The following PHLPP1 variants were observed in gnomAD, a reference collection of about 807,000 sequenced individuals.
The protein encoded by PHLPP1 is PH domain leucine-rich repeat-containing protein phosphatase 1.
Under a neutral mutation model 117.2 loss-of-function variants are expected in PHLPP1, and 42 were observed. That is an observed-to-expected ratio of 0.36 (90% CI 0.28 to 0.46). PHLPP1 has a LOEUF of 0.46. PHLPP1 is among the 20% of genes least tolerant of loss of function. The probability of loss-of-function intolerance (pLI) is 1.00; values close to 1 mark genes in which losing one functional copy is unlikely to be tolerated. For synonymous variants in PHLPP1, 1,042 were observed against 970.7 expected (o/e 1.07, Z -1.37); for missense variants, 2,084 against 2,241.9 (o/e 0.93, Z 1.42).
intron 1 of PHLPP1, chr18:62,826,378 G>T: frequency 3.6e-6 from 1 of 277,934 alleles, no homozygotes. Context: ...ATTTGTGGTT[G>T]CGGAAGTGCA....
intron 4 of PHLPP1, among the ~76,000 whole-genome samples, chr18:62,862,494 TTATTGGC>T (rs1486190805): frequency 1.3e-5 from 2 of 152,216 alleles, no homozygotes; most frequent in African/African-American, 4.8e-5. Flanking sequence ...TTGAAGGCCA[TTATTGGC>T]AGCACATGCC....
At chr18:62,970,628 G>A (rs1330940491) in intron 14 of PHLPP1, among the ~76,000 whole-genome samples, 3 of 152,150 alleles carry the variant, frequency 2.0e-5, no homozygotes, top group Non-Finnish European at 4.4e-5. Flanking sequence ...AGCTGGGCGT[G>A]GTGGCGGGTG....
intron 1 of PHLPP1, among the ~76,000 whole-genome samples, chr18:62,743,798 T>A (rs1911600794): frequency 6.6e-6 from 1 of 152,144 alleles, no homozygotes; most frequent in Non-Finnish European, 1.5e-5. Context: ...TCTCTTTCCT[T>A]GCAATTTACT....
intron 4 of PHLPP1, among the ~76,000 whole-genome samples, chr18:62,875,106 C>T (rs1277812577): frequency 2.0e-5 from 3 of 152,100 alleles, no homozygotes; most frequent in Non-Finnish European, 4.4e-5. Context: ...AGGTGCGTGC[C>T]ACCACTCCTG....
At chr18:62,947,528 G>A (rs1910333558) in intron 12 of PHLPP1, among the ~76,000 whole-genome samples, 1 of 152,204 alleles carries the variant, frequency 6.6e-6, no homozygotes, top group Non-Finnish European at 1.5e-5. Context: ...TGGCTGTGCT[G>A]TGCCATCTTT....
intron 4 of PHLPP1, among the ~76,000 whole-genome samples, chr18:62,868,198 T>G (rs931686823): frequency 6.6e-5 from 10 of 152,332 alleles, no homozygotes; most frequent in African/African-American, 1.9e-4. Flanking sequence ...TTATGAGAGA[T>G]ATTTTGACAC....
In PHLPP1 at chr18:62,949,944, A is replaced by G. The variant is rs112912843; in HGVS notation, c.3324+4673A>G. On this transcript the variant is annotated intron_variant, in intron 12 of 16. Transcript: ENST00000262719. ...GTAATTTTGCAACAAAAACCAAGCT[A>G]TTAGTTAATAGTGACCTATTCTAAA... is the stretch of plus-strand genomic sequence containing the variant. 5.9e-3 allele frequency among the ~76,000 whole-genome samples: 897 copies of G among 152,310 alleles called. 14 individuals are homozygous for G. Among genetic ancestry groups the G allele is most frequent in the African/African-American group, 0.02 (822 of 41,568 alleles).
At position 62,715,694 on chromosome 18, in the gene PHLPP1, C is replaced by T; in HGVS notation, c.11C>T (p.Ala4Val). Residue 4 changes from alanine to valine, a missense_variant, in exon 1 of 17, where the codon GCC becomes GTC. Coordinates refer to ENST00000262719, the MANE Select transcript of PHLPP1 (RefSeq NM_194449.4). MEP[A>V]AAATVQRLPE... The stretch of plus-strand genomic sequence containing the variant: ...CGAAGCCCCACTGCAATGGAGCCCG[C>T]CGCCGCGGCCACGGTACAGCGACTC... The T allele has an allele frequency of 2.3e-6, 3 of 1,291,758 alleles. No homozygotes were observed. Among genetic ancestry groups the T allele is most frequent in the Non-Finnish European group, 2.9e-6 (3 of 1,017,348 alleles). The allele number at this position is 1,291,758 out of a possible 1,614,324, so 80.0% of individuals were successfully genotyped here.
chr18:62,731,996 CT>C (rs34419038), intron 1 of PHLPP1, among the ~76,000 whole-genome samples: 7,084 of 152,302 alleles, frequency 0.047, 178 homozygotes, highest in Middle Eastern at 0.061. Flanking sequence ...AGGAAATAAG[CT>C]TGTGTCCATA....
intron 3 of PHLPP1, among the ~76,000 whole-genome samples, chr18:62,840,862 C>G (rs765699697): frequency 1.3e-5 from 2 of 152,154 alleles, no homozygotes; most frequent in Non-Finnish European, 2.9e-5. Context: ...ATCATTAGTA[C>G]TTAACTCTGA....
At chr18:62,757,411 G>A (rs1912062680) in intron 1 of PHLPP1, among the ~76,000 whole-genome samples, 1 of 152,180 alleles carries the variant, frequency 6.6e-6, no homozygotes. Context: ...AATAAGGCTT[G>A]GAGTTTTCTT....
At position 62,717,254 on chromosome 18, in the gene PHLPP1, A is replaced by T. The variant is rs755155602; in HGVS notation, c.1571A>T (p.Tyr524Phe). 4 of 1,583,660 alleles carry T rather than the reference A, an allele frequency of 2.5e-6. No individual in the cohort carries two copies. The highest frequency in any genetic ancestry group is 2.3e-5 in the South Asian group (2 of 86,622). Residue 524 changes from tyrosine (Y) to phenylalanine (F), a missense_variant, in exon 1 of 17, where the codon TAT becomes TTT. Physicochemically the swap from Tyr to Phe is conservative, Grantham distance 22. Transcript: ENST00000262719. The stretch of plus-strand genomic sequence containing the variant: ...GAGATTGGCTGCCTCATCCGCTTCT[A>T]TGCAGGTAAGGAAGTCACCTGCCTT... ...DSEIGCLIRF[Y>F]AGKPHSTGSS...
At chr18:62,799,713 C>A (rs1785867727) in intron 1 of PHLPP1, among the ~76,000 whole-genome samples, 1 of 152,170 alleles carries the variant, frequency 6.6e-6, no homozygotes, top group Non-Finnish European at 1.5e-5. Flanking sequence ...GTGTGTTCTA[C>A]AGCAGAAGTG....
chr18:62,951,293 T>TGTGTGTG (rs147428953), intron 12 of PHLPP1, among the ~76,000 whole-genome samples: 17,563 of 152,054 alleles, frequency 0.12, 1,096 homozygotes, highest in Middle Eastern at 0.2. Context: ...CCCAGACTAG[T>TGTGTGTG]TTTGTGTGTG....
At chr18:62,766,075 AAATATATAT>A (rs1246114557) in intron 1 of PHLPP1, among the ~76,000 whole-genome samples, 9 of 49,604 alleles carry the variant, frequency 1.8e-4, no homozygotes, top group Non-Finnish European at 2.6e-4. Context: ...AAAAAAAAAA[AAATATATAT>A]ATATATATAT....
At chr18:62,897,167 T>TAGTAAGAATGAGATGATTTCTG (rs1245190288) in intron 6 of PHLPP1, among the ~76,000 whole-genome samples, 5 of 152,192 alleles carry the variant, frequency 3.3e-5, no homozygotes, top group African/African-American at 1.2e-4. Context: ...TGACCTCAGG[T>TAGTAAGAATGAGATGATTTCTG]AGTAAGAATG....
At chr18:62,822,611 T>G (rs1157907874) in intron 1 of PHLPP1, among the ~76,000 whole-genome samples, 1 of 152,104 alleles carries the variant, frequency 6.6e-6, no homozygotes, top group East Asian at 1.9e-4. Context: ...TGGCACAAAT[T>G]TGAATGCCTC....
intron 14 of PHLPP1, among the ~76,000 whole-genome samples, chr18:62,966,492 A>G (rs1391251842): frequency 1.7e-5 from 2 of 117,436 alleles, no homozygotes; most frequent in African/African-American, 6.9e-5. Flanking sequence ...TTTTTTTGAG[A>G]CGGAGTCTTG....
At chr18:62,862,931 G>C (rs1057071694) in intron 4 of PHLPP1, among the ~76,000 whole-genome samples, 1 of 152,136 alleles carries the variant, frequency 6.6e-6, no homozygotes, top group Non-Finnish European at 1.5e-5. Flanking sequence ...GGACAGTTTG[G>C]TGCTGCAGTG....
Sources: gnomAD v4.1 joint callset for allele counts (sites outside exome capture counted in the v4.1 genomes callset) on GRCh38, gnomAD v4.1.1 for gene constraint, MANE v1.5 for transcripts, NCBI Gene and HGNC (gene_info 2026-07-23, HGNC 2026-07-21) for gene names.